Variants in HGD observed in about 807,000 individuals in gnomAD.
HGD encodes the protein homogentisate oxidase.
In HGD, 61 loss-of-function variants were observed where a neutral mutation model predicts 60.8. The observed-to-expected ratio is 1.00, with a 90% CI of 0.82 to 1.24. The LOEUF (loss-of-function observed/expected upper bound fraction) is 1.24. HGD is among the 50% of genes most tolerant of loss of function. The pLI is 0.00. For missense variants in HGD, 542 were observed against 547.1 expected (o/e 0.99, Z 0.09); for synonymous variants, 212 against 187.7 (o/e 1.13, Z -1.06).
chr3:120,639,115 G>A (rs1432392344), intron 11 of HGD, among the ~76,000 whole-genome samples: 1 of 152,020 alleles, frequency 6.6e-6, no homozygotes, highest in Non-Finnish European at 1.5e-5. Context: ...ACCCAGTCTC[G>A]GGTATTTCTT....
intron 9 of HGD, among the ~76,000 whole-genome samples, chr3:120,645,443 G>A (rs1012419330): frequency 6.6e-6 from 1 of 152,160 alleles, no homozygotes; most frequent in African/African-American, 2.4e-5. Context: ...GTAAACCAAG[G>A]GCCAATTTTC....
At chr3:120,660,687 T>C (rs1244943005) in intron 4 of HGD, among the ~76,000 whole-genome samples, 1 of 152,132 alleles carries the variant, frequency 6.6e-6, no homozygotes, top group Non-Finnish European at 1.5e-5. Flanking sequence ...TAGCCGGGCA[T>C]GGTGGTGGGC....
At position 120,645,788 on chromosome 3, in the gene HGD, A is replaced by T. The variant is rs1347905506; in HGVS notation, c.649+479T>A. Among the ~76,000 whole-genome samples, 5 of 152,182 alleles carry T rather than the reference A, an allele frequency of 3.3e-5. No homozygotes were observed. In the East Asian group the frequency reaches 9.6e-4, roughly 29 times the overall value. On this transcript the variant is annotated intron_variant, in intron 9 of 13. Coordinates refer to ENST00000283871, the MANE Select transcript of HGD (RefSeq NM_000187.4). Reference sequence around the variant, plus strand: ...TGCAAAACAAAAAGCAATCCAAACCAATCCATTATAAATCTCACTGACTTA... The same window carrying T: ...TGCAAAACAAAAAGCAATCCAAACCTATCCATTATAAATCTCACTGACTTA...
At chr3:120,663,625 C>G (rs1707829359) in intron 4 of HGD, among the ~76,000 whole-genome samples, 1 of 152,184 alleles carries the variant, frequency 6.6e-6, no homozygotes, top group Admixed American at 6.5e-5. Context: ...CATGCAATGT[C>G]ATGGAACCCA....
intron 6 of HGD, among the ~76,000 whole-genome samples, chr3:120,649,423 G>A (rs529652926): frequency 3.3e-5 from 5 of 152,162 alleles, no homozygotes; most frequent in East Asian, 1.9e-4. Context: ...GATTACAGGC[G>A]TGATCCACTG....
At chr3:120,644,889 C>T (rs1156778589) in intron 9 of HGD, among the ~76,000 whole-genome samples, 1 of 150,122 alleles carries the variant, frequency 6.7e-6, no homozygotes, top group African/African-American at 2.4e-5. Context: ...CATGCCTCTG[C>T]TCCCTAGACA....
At chr3:120,655,387 C>T (rs768437725) in intron 4 of HGD, among the ~76,000 whole-genome samples, 3 of 152,170 alleles carry the variant, frequency 2.0e-5, no homozygotes, top group Non-Finnish European at 2.9e-5. Context: ...GACGAACCTT[C>T]TCTAATGCAA....
At chr3:120,658,174 A>G (rs1183058277) in intron 4 of HGD, among the ~76,000 whole-genome samples, 1 of 152,216 alleles carries the variant, frequency 6.6e-6, no homozygotes, top group Non-Finnish European at 1.5e-5. Context: ...TCATTCTAGT[A>G]TTAACTCAAA....
intron 12 of HGD, among the ~76,000 whole-genome samples, chr3:120,636,824 C>T (rs1329302751): frequency 6.6e-6 from 1 of 152,118 alleles, no homozygotes; most frequent in Admixed American, 6.5e-5. Context: ...CCATTCAGTG[C>T]ACTGTTGTGT....
intron 7 of HGD, 126 bp from the exon 8 acceptor site, chr3:120,647,178 T>C: frequency 1.3e-6 from 1 of 751,174 alleles, no homozygotes; most frequent in Non-Finnish European, 2.4e-6. Context: ...TTGAGTCTCT[T>C]GGGGAAAAAG....
Position 120,628,588 on chromosome 3 carries a change from T to G in HGD, c.1189-59A>C. On this transcript the variant is annotated intron_variant, in intron 13 of 13. Transcript: ENST00000283871. ...AGGTGAGATAGATAATAAACACATTTGATTAGATGTCAACAGAAGGTATGG... is the reference window on the plus strand; with the variant it reads ...AGGTGAGATAGATAATAAACACATTGGATTAGATGTCAACAGAAGGTATGG... 3 of 1,562,256 alleles carry G rather than the reference T, an allele frequency of 1.9e-6. No homozygotes were observed. The South Asian group carries it at 3.3e-5, about 17-fold the overall frequency.
intron 5 of HGD, among the ~76,000 whole-genome samples, chr3:120,652,087 A>G (rs969233747): frequency 6.6e-6 from 1 of 152,192 alleles, no homozygotes; most frequent in Non-Finnish European, 1.5e-5. Context: ...TTATGCTCAT[A>G]CCAGAATTAT....
intron 2 of HGD, 32 bp from the exon 3 acceptor site, chr3:120,675,021 TC>T (rs774479444): frequency 6.8e-7 from 1 of 1,478,804 alleles, no homozygotes. Flanking sequence ...ACAATATTAC[TC>T]CCATCCGAAA....
chr3:120,658,620 T>C (rs913837028), intron 4 of HGD, among the ~76,000 whole-genome samples: 1 of 152,216 alleles, frequency 6.6e-6, no homozygotes, highest in East Asian at 1.9e-4. Context: ...CCTCTTCTCA[T>C]AGCTCCACTA....
intron 1 of HGD, among the ~76,000 whole-genome samples, chr3:120,681,671 A>G (rs536797345): frequency 1.3e-5 from 2 of 152,224 alleles, no homozygotes; most frequent in African/African-American, 2.4e-5. Context: ...TCTTCTGGCC[A>G]AGGGCTGATT....
At chr3:120,668,533 GGA>G (rs1707952244) in intron 4 of HGD, among the ~76,000 whole-genome samples, 3 of 151,788 alleles carry the variant, frequency 2.0e-5, no homozygotes, top group African/African-American at 7.3e-5. Flanking sequence ...GAGAGAGGGA[GGA>G]GAGAGAGAGT....
At position 120,633,795 on chromosome 3, in the gene HGD, G is replaced by T. The variant is rs1940668963; in HGVS notation, c.1007-467C>A. ...CCCAATCTAGAAGGCTTAGATTGAG[G>T]GTGTGTGGTTTTGATGGATGATAGA... On this transcript the variant is annotated intron_variant, in intron 12 of 13. Coordinates refer to ENST00000283871, the MANE Select transcript of HGD (RefSeq NM_000187.4). Among the ~76,000 whole-genome samples the T allele has an allele frequency of 1.3e-5, 2 of 152,082 alleles. 1 individual carries two copies. The highest frequency in any genetic ancestry group is 4.1e-4 in the South Asian group (2 of 4,828).
intron 12 of HGD, among the ~76,000 whole-genome samples, chr3:120,633,851 A>G (rs1249402331): frequency 1.3e-5 from 2 of 152,224 alleles, no homozygotes; most frequent in Non-Finnish European, 2.9e-5. Context: ...CCCCAGACTT[A>G]AAGTCCATTA....
At chr3:120,660,676 T>TG in intron 4 of HGD, among the ~76,000 whole-genome samples, 3 of 152,192 alleles carry the variant, frequency 2.0e-5, no homozygotes, top group African/African-American at 7.2e-5. Flanking sequence ...AATACAAAAA[T>TG]TAGCCGGGCA....
Sources: allele counts gnomAD v4.1 joint callset (sites outside exome capture counted in the v4.1 genomes callset), GRCh38; gene constraint gnomAD v4.1.1; transcripts MANE v1.5; gene names NCBI Gene and HGNC (gene_info 2026-07-23, HGNC 2026-07-21).